The following EXOC4 variants were observed in gnomAD, a reference collection of about 807,000 sequenced individuals.
EXOC4 encodes the protein SEC8-like 1.
Under a neutral mutation model 107.2 loss-of-function variants are expected in EXOC4, and 71 were observed. The observed-to-expected ratio is 0.66, with a 90% CI of 0.55 to 0.81. EXOC4 has a LOEUF of 0.81. Among genes scored for constraint, EXOC4 ranks in the 30% least tolerant of loss-of-function variants. The pLI, the probability that EXOC4 is intolerant of heterozygous loss-of-function variation, is 0.00. For synonymous variants in EXOC4, 456 were observed against 441.2 expected (o/e 1.03, Z -0.42); for missense variants, 1,108 against 1,189.6 (o/e 0.93, Z 1.01).
At chr7:133,619,324 A>G (rs1213628796) in intron 9 of EXOC4, among the ~76,000 whole-genome samples, 1 of 152,064 alleles carries the variant, frequency 6.6e-6, no homozygotes, top group Non-Finnish European at 1.5e-5. Context: ...TTTCTTTCCA[A>G]ATTTGGGAGT....
At position 133,844,575 on chromosome 7, in the gene EXOC4, A is replaced by C. The variant is rs1798087085; in HGVS notation, c.1734+27031A>C. ...CAGCTAATTTTTGTATGTTTAGTAG[A>C]GACGTGGTTTCACCGTGTTGGCCAG... On this transcript the variant is annotated intron_variant, in intron 11 of 17. Coordinates refer to ENST00000253861, the MANE Select transcript of EXOC4 (RefSeq NM_021807.4). Among the ~76,000 whole-genome samples the C allele has an allele frequency of 4.6e-5, 7 of 151,574 alleles. No individual in the cohort carries two copies. The South Asian group carries it at 1.5e-3, about 32-fold the overall frequency.
intron 10 of EXOC4, among the ~76,000 whole-genome samples, chr7:133,708,211 G>A (rs537846973): frequency 2.6e-5 from 4 of 152,142 alleles, no homozygotes; most frequent in Non-Finnish European, 4.4e-5. Context: ...CAGAAAAATA[G>A]GAATTCTTCA....
chr7:133,383,077 G>A lies in EXOC4; in HGVS notation c.1182+8075G>A, dbSNP rs567060679. 6.6e-5 allele frequency among the ~76,000 whole-genome samples: 10 copies of A among 152,168 alleles called. No individual in the cohort carries two copies. In the East Asian group the frequency reaches 1.4e-3, roughly 21 times the overall value. On this transcript the variant is annotated intron_variant, in intron 7 of 17. Transcript: ENST00000253861. The stretch of plus-strand genomic sequence containing the variant: ...ACATGTTTTTGCCCTTTTGAGCAGC[G>A]GCAGTACCTTCCAAAATGACACCTA...
intron 14 of EXOC4, among the ~76,000 whole-genome samples, chr7:133,945,360 A>G (rs924072942): frequency 6.6e-5 from 10 of 152,218 alleles, no homozygotes; most frequent in Non-Finnish European, 1.5e-4. Context: ...TATTTGGGAA[A>G]TGCTTTGTAA....
At chr7:133,367,638 T>A (rs1279912119) in intron 6 of EXOC4, among the ~76,000 whole-genome samples, 3 of 152,168 alleles carry the variant, frequency 2.0e-5, no homozygotes, top group Non-Finnish European at 1.5e-5. Context: ...TTTCCCTGTT[T>A]TCTAACGCCC....
At chr7:133,571,679 CAAA>C (rs79894289) in intron 9 of EXOC4, among the ~76,000 whole-genome samples, 43 of 112,124 alleles carry the variant, frequency 3.8e-4, no homozygotes, top group Middle Eastern at 4.6e-3. Flanking sequence ...TGCCTCAAAG[CAAA>C]AAAAAAAAAA....
intron 9 of EXOC4, among the ~76,000 whole-genome samples, chr7:133,527,032 A>G (rs943767737): frequency 2.0e-5 from 3 of 152,120 alleles, no homozygotes; most frequent in Non-Finnish European, 4.4e-5. Flanking sequence ...AAGGGGGCAA[A>G]GTTACAAAGG....
chr7:133,930,105 C>A (rs1165514590), intron 13 of EXOC4, among the ~76,000 whole-genome samples: 2 of 152,130 alleles, frequency 1.3e-5, no homozygotes, highest in African/African-American at 4.8e-5. Context: ...ATAATGTGTT[C>A]AACTTATAAT....
intron 10 of EXOC4, among the ~76,000 whole-genome samples, chr7:133,797,178 A>G (rs1417058905): frequency 6.6e-6 from 1 of 152,186 alleles, no homozygotes; most frequent in Non-Finnish European, 1.5e-5. Flanking sequence ...TTATAATGCA[A>G]TAGAATAAAA....
Position 133,676,925 on chromosome 7 carries a change from C to CTCTG in EXOC4, c.1514+46786_1514+46789dup, listed in dbSNP as rs1273769120. Among the ~76,000 whole-genome samples, 3 of 77,206 alleles carry CTCTG rather than the reference C, an allele frequency of 3.9e-5. No individual in the cohort carries two copies. The South Asian group carries it at 1.3e-3, about 33-fold the overall frequency. 50.7% of individuals were successfully genotyped at this position (77,206 alleles called of 152,430 possible). A position where few individuals can be genotyped will look rare whatever the true frequency, so the allele number is the denominator to read the frequency against. ...AAATTATTGGGGGGTATGTAGTAAA[C>CTCTG]TCTGTGTGTGTGTGTGTGTGTGTGT... On this transcript the variant is annotated intron_variant, in intron 10 of 17. Transcript: ENST00000253861.
chr7:133,830,055 G>C (rs1033014874), intron 11 of EXOC4, among the ~76,000 whole-genome samples: 2 of 152,046 alleles, frequency 1.3e-5, no homozygotes, highest in African/African-American at 4.8e-5. Context: ...AGAATACCCT[G>C]AGTATTCACT....
intron 7 of EXOC4, among the ~76,000 whole-genome samples, chr7:133,466,378 G>A (rs1295932698): frequency 6.6e-6 from 1 of 152,068 alleles, no homozygotes. Context: ...ATCAGGAAAT[G>A]AAAGAGGAGA....
chr7:133,957,388 A>G (rs1226009429), intron 14 of EXOC4, among the ~76,000 whole-genome samples: 1 of 152,244 alleles, frequency 6.6e-6, no homozygotes, highest in Non-Finnish European at 1.5e-5. Flanking sequence ...ATTAATTAAA[A>G]TATCTACCAT....
intron 10 of EXOC4, among the ~76,000 whole-genome samples, chr7:133,811,464 C>T (rs1797229516): frequency 6.6e-6 from 1 of 152,106 alleles, no homozygotes; most frequent in Non-Finnish European, 1.5e-5. Context: ...AGGATCCATC[C>T]AGTACACTGT....
intron 10 of EXOC4, among the ~76,000 whole-genome samples, chr7:133,720,633 AT>A (rs1795088216): frequency 6.6e-6 from 1 of 152,216 alleles, no homozygotes; most frequent in Non-Finnish European, 1.5e-5. Flanking sequence ...TTCTGTTAAA[AT>A]ACCAAAGAAA....
At chr7:134,007,634 T>C (rs747743008) in intron 16 of EXOC4, 42 bp from the exon 17 acceptor site, 1 of 1,527,382 alleles carries the variant, frequency 6.5e-7, no homozygotes, top group Admixed American at 2.1e-5. Flanking sequence ...GCCTCTAATC[T>C]GTCATCCGTT....
intron 14 of EXOC4, among the ~76,000 whole-genome samples, chr7:133,965,019 A>C (rs1365772696): frequency 6.6e-6 from 1 of 152,162 alleles, no homozygotes; most frequent in Non-Finnish European, 1.5e-5. Context: ...AATGATTGCC[A>C]TTGTAACTGG....
chr7:133,480,872 G>A (rs1799138064), intron 9 of EXOC4: 1 of 151,740 alleles, frequency 6.6e-6, no homozygotes, highest in Non-Finnish European at 1.5e-5. Context: ...TGGGCGACAT[G>A]GCGAAGCCCT....
intron 5 of EXOC4, among the ~76,000 whole-genome samples, chr7:133,349,391 T>G (rs779997064): frequency 3.3e-5 from 5 of 152,198 alleles, no homozygotes; most frequent in Non-Finnish European, 7.4e-5. Context: ...GTACGGCATA[T>G]AAGTAGAAAC....
Sources: gnomAD v4.1 joint callset for allele counts (sites outside exome capture counted in the v4.1 genomes callset) on GRCh38, gnomAD v4.1.1 for gene constraint, MANE v1.5 for transcripts, NCBI Gene and HGNC (gene_info 2026-07-23, HGNC 2026-07-21) for gene names.